Variants in KAT6A observed in about 807,000 individuals in gnomAD.
KAT6A encodes histone acetyltransferase KAT6A.
A neutral mutation model predicts 198.4 loss-of-function variants in KAT6A; 9 were observed. The observed-to-expected ratio is 0.05, with a 90% CI of 0.03 to 0.08. KAT6A has a LOEUF of 0.08. Ranked by LOEUF, KAT6A falls within the 10% of genes least tolerant of loss-of-function variation. The probability of loss-of-function intolerance (pLI) is 1.00; values close to 1 mark genes in which losing one functional copy is unlikely to be tolerated. For missense variants in KAT6A, 2,077 were observed against 2,509.9 expected (o/e 0.83, Z 3.69); for synonymous variants, 890 against 883.0 (o/e 1.01, Z -0.14).
At chr8:42,036,265 C>T (rs1827372871) in intron 2 of KAT6A, among the ~76,000 whole-genome samples, 1 of 151,888 alleles carries the variant, frequency 6.6e-6, no homozygotes, top group Admixed American at 6.6e-5. Flanking sequence ...GATTGGAGGC[C>T]ACAAATTTGT....
chr8:41,961,997 A>G (rs1823225934), intron 8 of KAT6A, among the ~76,000 whole-genome samples: 1 of 152,100 alleles, frequency 6.6e-6, no homozygotes, highest in Non-Finnish European at 1.5e-5. Context: ...GTCAATTTTC[A>G]GTTCTCTTCT....
rs1821419703 is a variant in KAT6A at position 41,929,551 on chromosome 8, A to AG, written c.*2653dup. The AG allele has an allele frequency of 5.4e-6, 1 of 186,670 alleles. No homozygotes were observed. Among genetic ancestry groups the AG allele is most frequent in the South Asian group, 2.0e-4 (1 of 5,120 alleles). 11.6% of individuals were successfully genotyped at this position (186,670 alleles called of 1,614,324 possible). On this transcript the variant is annotated 3_prime_UTR_variant, in exon 17 of 17. Transcript: ENST00000265713. ...GTTCTTTTGAAAGTACTTGCTAGAA[A>AG]GGGGAAAAAAAGGTATTACATACAA...
intron 2 of KAT6A, among the ~76,000 whole-genome samples, chr8:41,992,852 A>G (rs537342592): frequency 6.6e-6 from 1 of 152,344 alleles, no homozygotes; most frequent in South Asian, 2.1e-4. Flanking sequence ...GGGACAGATT[A>G]GATCACTTTA....
intron 15 of KAT6A, among the ~76,000 whole-genome samples, chr8:41,939,972 G>C (rs1379676252): frequency 6.6e-6 from 1 of 152,186 alleles, no homozygotes; most frequent in Non-Finnish European, 1.5e-5. Flanking sequence ...TACTTTCTTT[G>C]CATTAATTCT....
At chr8:42,020,057 C>T (rs1457188148) in intron 2 of KAT6A, among the ~76,000 whole-genome samples, 1 of 152,146 alleles carries the variant, frequency 6.6e-6, no homozygotes, top group East Asian at 1.9e-4. Context: ...TAATTACCTT[C>T]TTTTTTTAAA....
intron 2 of KAT6A, among the ~76,000 whole-genome samples, chr8:42,045,168 T>C (rs73628577): frequency 0.02 from 2,980 of 152,314 alleles, 87 homozygotes; most frequent in African/African-American, 0.067. Flanking sequence ...TCTAATTGAA[T>C]AGATACTATC....
Position 41,934,655 on chromosome 8 carries a change from T to C in KAT6A, c.3565A>G (p.Ile1189Val). The C allele has an allele frequency of 6.2e-7, 1 of 1,614,206 alleles. No homozygotes were observed. The highest frequency in any genetic ancestry group is 1.1e-5 in the South Asian group (1 of 91,080). Residue 1189 changes from isoleucine to valine, a missense_variant, in exon 17 of 17, where the codon ATT (isoleucine) becomes GTT (valine). Physicochemically the swap from Ile to Val is conservative, Grantham distance 29. Coordinates refer to ENST00000265713, the MANE Select transcript of KAT6A (RefSeq NM_006766.5). ...IMPVSTQACV[I>V]EPIVSIPKAG... is the part of the protein sequence containing the mutation. Reference sequence around the variant, plus strand: ...TTAGGAATGGAAACGATGGGCTCAATGACGCATGCTTGAGTAGAAACTGGC... The same window carrying C: ...TTAGGAATGGAAACGATGGGCTCAACGACGCATGCTTGAGTAGAAACTGGC...
At chr8:41,956,746 G>A (rs916344792) in intron 8 of KAT6A, among the ~76,000 whole-genome samples, 6 of 152,124 alleles carry the variant, frequency 3.9e-5, no homozygotes, top group African/African-American at 1.4e-4. Flanking sequence ...ACCAAGTACT[G>A]GGGCTCCTCC....
Position 41,929,885 on chromosome 8 carries a change from C to G in KAT6A, c.*2320G>C, listed in dbSNP as rs1295843860. On this transcript the variant is annotated 3_prime_UTR_variant, in exon 17 of 17. Transcript: ENST00000265713. Reference sequence around the variant, plus strand: ...TTAAAGATGGAATGAAATGAAAAAGCTCTTATTTTAAAAGGCATCAAAGTC... The same window carrying G: ...TTAAAGATGGAATGAAATGAAAAAGGTCTTATTTTAAAAGGCATCAAAGTC... The G allele has an allele frequency of 4.8e-6, 1 of 208,452 alleles. No homozygotes were observed. The highest frequency in any genetic ancestry group is 9.8e-6 in the Non-Finnish European group (1 of 102,526). The allele number at this position is 208,452 out of a possible 1,614,324, so 12.9% of individuals were successfully genotyped here.
At chr8:42,025,495 T>G (rs1004711341) in intron 2 of KAT6A, among the ~76,000 whole-genome samples, 3 of 152,210 alleles carry the variant, frequency 2.0e-5, no homozygotes, top group Non-Finnish European at 4.4e-5. Context: ...ATTACAGGTG[T>G]GAGCCACTGC....
chr8:42,030,201 T>C (rs944804808), intron 2 of KAT6A, among the ~76,000 whole-genome samples: 3 of 152,138 alleles, frequency 2.0e-5, no homozygotes, highest in African/African-American at 7.2e-5. Context: ...TTTCCTATTC[T>C]AGTATCAGGG....
chr8:42,045,387 C>A lies in KAT6A; in HGVS notation c.600+2991G>T, dbSNP rs183732340. On this transcript the variant is annotated intron_variant, in intron 2 of 16. Transcript: ENST00000265713. ...ATGAGCCTGACCAACAGGGAGAAAC[C>A]CCGTCTCTACTAAAAATACAAAATT... Among the ~76,000 whole-genome samples the A allele has an allele frequency of 2.1e-3, 312 of 151,914 alleles. 4 individuals are homozygous for A. Among genetic ancestry groups the A allele is most frequent in the Non-Finnish European group, 3.8e-4 (26 of 67,948 alleles).
intron 3 of KAT6A, among the ~76,000 whole-genome samples, chr8:41,985,302 A>C (rs1824549739): frequency 6.6e-6 from 1 of 152,214 alleles, no homozygotes; most frequent in Non-Finnish European, 1.5e-5. Flanking sequence ...TTGTGACAAC[A>C]CGCTGGATAT....
rs533291716 is a variant in KAT6A, at chr8:42,003,453, T to G, written c.601-15890A>C. On this transcript the variant is annotated intron_variant, in intron 2 of 16. Transcript: ENST00000265713. ...TCCAATAATTCAAACCTCTTTTTTT[T>G]TTTTTTTGTTTCCCCAGCCCATGGG... 7.9e-5 allele frequency among the ~76,000 whole-genome samples: 12 copies of G among 152,208 alleles called. No homozygotes were observed. The East Asian group carries it at 2.3e-3, about 29-fold the overall frequency.
intron 9 of KAT6A, among the ~76,000 whole-genome samples, chr8:41,954,994 T>TA (rs1822853952): frequency 6.6e-6 from 1 of 151,912 alleles, no homozygotes; most frequent in South Asian, 2.1e-4. Context: ...TCAAAATTCT[T>TA]AGTGATAGGA....
rs116161849 is a variant in KAT6A at position 41,991,770 on chromosome 8, G to A, written c.601-4207C>T. 7.0e-3 allele frequency among the ~76,000 whole-genome samples: 1,064 copies of A among 152,184 alleles called. 11 individuals carry two copies. Among genetic ancestry groups the A allele is most frequent in the African/African-American group, 0.024 (1,000 of 41,502 alleles). On this transcript the variant is annotated intron_variant, in intron 2 of 16. Coordinates refer to ENST00000265713, the MANE Select transcript of KAT6A (RefSeq NM_006766.5). ...AGATATCAACATACAGGTGATAACT[G>A]ACAGCACTCAGAACGTGGAGGGGGC...
chr8:41,967,453 C>G (rs1009803601), intron 8 of KAT6A, among the ~76,000 whole-genome samples: 4 of 116,754 alleles, frequency 3.4e-5, no homozygotes, highest in South Asian at 3.4e-4. Context: ...TCCCTCCCCC[C>G]ACCCCACAAC....
intron 2 of KAT6A, among the ~76,000 whole-genome samples, chr8:42,002,830 C>T (rs981288661): frequency 3.3e-5 from 5 of 152,264 alleles, no homozygotes; most frequent in Middle Eastern, 3.4e-3. Flanking sequence ...TTTGTACTTA[C>T]ATCTTTACTA....
At chr8:42,038,682 T>C (rs1016073810) in intron 2 of KAT6A, among the ~76,000 whole-genome samples, 5 of 152,240 alleles carry the variant, frequency 3.3e-5, no homozygotes, top group Non-Finnish European at 5.9e-5. Flanking sequence ...AGAATCACTG[T>C]GATCCAAGAT....
Sources: allele counts gnomAD v4.1 joint callset (sites outside exome capture counted in the v4.1 genomes callset), GRCh38; gene constraint gnomAD v4.1.1; transcripts MANE v1.5; gene names NCBI Gene and HGNC (gene_info 2026-07-23, HGNC 2026-07-21).